Variants in TET3 observed in about 807,000 individuals in gnomAD.
TET3 encodes tet methylcytosine dioxygenase 3.
A neutral mutation model predicts 141.4 loss-of-function variants in TET3; 19 were observed. The observed-to-expected ratio is 0.13, with a 90% CI of 0.09 to 0.20. The LOEUF is 0.20. Ranked by LOEUF, TET3 falls within the 10% of genes least tolerant of loss-of-function variation. The pLI is 1.00. For synonymous variants in TET3, 1,043 were observed against 980.9 expected, an observed-to-expected ratio of 1.06 and a Z score of -1.18; for missense variants, 1,874 against 2,356.9, an observed-to-expected ratio of 0.80 and a Z score of 4.24.
chr2:74,066,542 C>A (rs1421061478), intron 4 of TET3, among the ~76,000 whole-genome samples: 1 of 152,124 alleles, frequency 6.6e-6, no homozygotes, highest in Non-Finnish European at 1.5e-5. Flanking sequence ...TGTCAGATTT[C>A]TTCTCTAGAA....
At chr2:73,994,285 T>C (rs552426598) in intron 2 of TET3, among the ~76,000 whole-genome samples, 1 of 152,198 alleles carries the variant, frequency 6.6e-6, no homozygotes, top group South Asian at 2.1e-4. Context: ...TGCTGATGAG[T>C]AGAGGAACAC....
At chr2:74,127,308 A>T in the TET3 span, among the ~76,000 whole-genome samples, 25 of 152,352 alleles carry the variant, frequency 1.6e-4, no homozygotes, top group African/African-American at 5.5e-4. Flanking sequence ...ACTAATTTAC[A>T]ACTATGTAAT....
rs377208891 is a variant in TET3 at position 74,103,495 on chromosome 2, C to T, written c.*1319C>T. 31 of 152,200 alleles carry T rather than the reference C, an allele frequency of 2.0e-4. No homozygotes were observed. The highest frequency in any genetic ancestry group is 7.2e-4 in the African/African-American group (30 of 41,454). The allele number at this position is 152,200 out of a possible 1,614,324, so 9.4% of individuals were successfully genotyped here. On this transcript the variant is annotated 3_prime_UTR_variant, in exon 12 of 12. Transcript: ENST00000409262. ...ACAATTTTAAAGTGCAAGAGTCAAACATTTTCAACAGGTTGCTATAATTTT... is the reference window on the plus strand; with the variant it reads ...ACAATTTTAAAGTGCAAGAGTCAAATATTTTCAACAGGTTGCTATAATTTT...
At chr2:73,994,867 C>T (rs140938062) in intron 2 of TET3, among the ~76,000 whole-genome samples, 5 of 152,100 alleles carry the variant, frequency 3.3e-5, no homozygotes, top group Non-Finnish European at 5.9e-5. Flanking sequence ...GAACTCCTGA[C>T]CTCAGGTGAT....
intron 6 of TET3, among the ~76,000 whole-genome samples, chr2:74,081,712 A>G (rs1287677563): frequency 1.3e-5 from 2 of 152,216 alleles, no homozygotes; most frequent in African/African-American, 4.8e-5. Flanking sequence ...AAATTCTGAC[A>G]TATGCTACAA....
At chr2:74,129,032 GCT>G in the TET3 span, among the ~76,000 whole-genome samples, 2 of 147,178 alleles carry the variant, frequency 1.4e-5, no homozygotes, top group African/African-American at 5.1e-5. Context: ...GGGCATGATG[GCT>G]CACACCTATA....
the TET3 span, among the ~76,000 whole-genome samples, chr2:74,120,466 G>C: frequency 3.3e-5 from 5 of 152,242 alleles, no homozygotes; most frequent in African/African-American, 9.6e-5. Context: ...ACGTGTGCCT[G>C]GGCCGCTGGA....
upstream of TET3, among the ~76,000 whole-genome samples, chr2:73,984,634 G>A (rs1683900106): frequency 1.3e-5 from 2 of 151,922 alleles, no homozygotes; most frequent in African/African-American, 4.8e-5. The surrounding 1 kb of genome is among the most constrained non-coding windows in gnomAD (Gnocchi z 5.6). Context: ...GCCGGAGGGC[G>A]AGGGTGGCCA....
chr2:74,119,224 G>A, the TET3 span, among the ~76,000 whole-genome samples: 2 of 151,990 alleles, frequency 1.3e-5, no homozygotes, highest in African/African-American at 4.8e-5. Context: ...ATGGTGTCAC[G>A]TGCCTGTAAT....
intron 4 of TET3, among the ~76,000 whole-genome samples, chr2:74,069,750 C>T (rs1689105665): frequency 1.3e-5 from 2 of 152,006 alleles, no homozygotes; most frequent in Non-Finnish European, 2.9e-5. Context: ...ACAAGCCTGG[C>T]TAGGTTTTTA....
chr2:74,035,934 T>C (rs1687028898), intron 3 of TET3, among the ~76,000 whole-genome samples: 1 of 151,168 alleles, frequency 6.6e-6, no homozygotes. Context: ...ACAAGAATCA[T>C]TGAGCCCGGG....
intron 2 of TET3, among the ~76,000 whole-genome samples, chr2:73,989,231 C>T (rs1020990681): frequency 1.3e-5 from 2 of 151,952 alleles, no homozygotes; most frequent in Non-Finnish European, 2.9e-5. Flanking sequence ...GAACATGTCC[C>T]GGGATTGGGG....
intron 3 of TET3, among the ~76,000 whole-genome samples, chr2:74,006,263 G>C (rs1685146143): frequency 6.6e-6 from 1 of 152,232 alleles, no homozygotes. Flanking sequence ...TGTCAAACTA[G>C]AGAAGTGAAG....
chr2:74,128,576 T>C, the TET3 span, among the ~76,000 whole-genome samples: 1 of 152,128 alleles, frequency 6.6e-6, no homozygotes, highest in Non-Finnish European at 1.5e-5. Flanking sequence ...TAACGTAAGA[T>C]GTGAATAATC....
At chr2:74,062,794 A>C (rs775911313) in intron 4 of TET3, among the ~76,000 whole-genome samples, 41 of 152,130 alleles carry the variant, frequency 2.7e-4, no homozygotes, top group Non-Finnish European at 4.9e-4. Context: ...AAACAGCACC[A>C]AGAAGGTTAG....
chr2:74,081,735 G>T (rs886638378), intron 6 of TET3, among the ~76,000 whole-genome samples: 1 of 152,226 alleles, frequency 6.6e-6, no homozygotes, highest in Non-Finnish European at 1.5e-5. Flanking sequence ...TGTGTAGGAC[G>T]TATGTGCCTG....
At chr2:74,059,183 A>G (rs951425843) in intron 4 of TET3, among the ~76,000 whole-genome samples, 1 of 152,226 alleles carries the variant, frequency 6.6e-6, no homozygotes, top group Non-Finnish European at 1.5e-5. Context: ...ATGCTCTTTC[A>G]TATTTTGGCT....
intron 3 of TET3, among the ~76,000 whole-genome samples, chr2:74,019,245 A>AAG (rs909489101): frequency 6.6e-6 from 1 of 152,232 alleles, no homozygotes; most frequent in African/African-American, 2.4e-5. Context: ...CGACAGAAGG[A>AAG]GACTCTGTCT....
intron 4 of TET3, among the ~76,000 whole-genome samples, chr2:74,056,485 TTTTGCTCTCC>T (rs1325438078): frequency 6.6e-6 from 1 of 152,090 alleles, no homozygotes; most frequent in Non-Finnish European, 1.5e-5. Flanking sequence ...AAAAATTGGA[TTTTGCTCTCC>T]TGAGCTCTCC....
Sources: gnomAD v4.1 joint callset for allele counts (sites outside exome capture counted in the v4.1 genomes callset) on GRCh38, gnomAD v4.1.1 for gene constraint, Gnocchi (gnomAD v3.1) non-coding constraint, MANE v1.5 for transcripts, NCBI Gene and HGNC (gene_info 2026-07-23, HGNC 2026-07-21) for gene names.